Variants in DOCK4 observed in about 807,000 individuals in gnomAD.
DOCK4 encodes dedicator of cytokinesis 4.
DOCK4 carries 97 observed loss-of-function variants against 268.1 expected under a neutral mutation model. The ratio of observed to expected loss-of-function variants is 0.36; its 90% CI spans 0.31 to 0.43. The LOEUF (loss-of-function observed/expected upper bound fraction) is 0.43. DOCK4 is among the 20% of genes least tolerant of loss of function. The probability of loss-of-function intolerance (pLI) is 1.00; values close to 1 mark genes in which losing one functional copy is unlikely to be tolerated. For synonymous variants in DOCK4, 954 were observed against 887.2 expected (o/e 1.08, Z -1.34); for missense variants, 2,145 against 2,455.7 (o/e 0.87, Z 2.67).
chr7:111,868,708 CT>C (rs1806179879), intron 21 of DOCK4, among the ~76,000 whole-genome samples: 1 of 122,666 alleles, frequency 8.2e-6, no homozygotes, highest in Non-Finnish European at 1.7e-5. Context: ...AAAATTCCGT[CT>C]AAAAAAAAAA....
At chr7:112,125,818 GT>G (rs367577805) in intron 1 of DOCK4, among the ~76,000 whole-genome samples, 1 of 149,668 alleles carries the variant, frequency 6.7e-6, no homozygotes, top group Non-Finnish European at 1.5e-5. Context: ...TTTGTTTTTT[GT>G]TTTTTTTTGA....
chr7:112,018,585 A>G (rs565427695), intron 1 of DOCK4, among the ~76,000 whole-genome samples: 41 of 152,252 alleles, frequency 2.7e-4, no homozygotes, highest in Admixed American at 5.9e-4. Flanking sequence ...TTCAGAAACT[A>G]TTGATTCCAG....
Position 111,847,074 on chromosome 7 carries a change from C to T in DOCK4, c.2526G>A (p.Leu842=), listed in dbSNP as rs767715471. The stretch of plus-strand genomic sequence containing the variant: ...ACATGATCAGGTCCTTCTGTTCTTG[C>T]AAGTGAATGTGGAGGTGATGTAACA... ...PVVLHHLHIH[L]QEQKDLIMCA... Residue 842 remains leucine (L), a synonymous_variant, in exon 24 of 53, where the codon TTG becomes TTA. Coordinates refer to ENST00000428084, the MANE Select transcript of DOCK4 (RefSeq NM_001363540.2). 3 of 1,613,674 alleles carry T rather than the reference C, an allele frequency of 1.9e-6. No homozygotes were observed. The highest frequency in any genetic ancestry group is 2.5e-6 in the Non-Finnish European group (3 of 1,179,788).
intron 1 of DOCK4, among the ~76,000 whole-genome samples, chr7:112,026,626 T>C (rs1229944672): frequency 6.6e-6 from 1 of 152,166 alleles, no homozygotes; most frequent in Non-Finnish European, 1.5e-5. Flanking sequence ...CATGTAAAAA[T>C]TATATAAAAT....
intron 46 of DOCK4, 81 bp downstream of exon 46, chr7:111,741,459 G>C: frequency 6.5e-7 from 1 of 1,549,030 alleles, no homozygotes; most frequent in Non-Finnish European, 8.7e-7. Flanking sequence ...TTGACAAATT[G>C]TGCCATAAAG....
At chr7:111,868,190 G>C in intron 21 of DOCK4, 36 bp from the exon 22 acceptor site, 1 of 1,477,114 alleles carries the variant, frequency 6.8e-7, no homozygotes, top group Non-Finnish European at 9.2e-7. Flanking sequence ...AGCTTCAAAG[G>C]AGACAAAGAG....
At position 111,944,858 on chromosome 7, in the gene DOCK4, C is replaced by A. The variant is rs1463517742; in HGVS notation, c.797G>T (p.Ser266Ile). 2 of 1,613,856 alleles carry A rather than the reference C, an allele frequency of 1.2e-6. No individual in the cohort carries two copies. Among genetic ancestry groups the A allele is most frequent in the South Asian group, 1.1e-5 (1 of 91,086 alleles). The part of the protein sequence containing the change: ...HCSLFVDLGS[S>I]ELRKDIYITV... The stretch of plus-strand genomic sequence containing the variant: ...GATATAAATGTCCTTTCTTAGCTCA[C>A]TGCTGCCCAAATCCTACAAACAAAG... The change falls in exon 10 of 53, where the codon AGT becomes ATT. Residue 266 changes from serine to isoleucine, a missense_variant. Coordinates refer to ENST00000428084, the MANE Select transcript of DOCK4 (RefSeq NM_001363540.2).
At chr7:111,876,641 A>G (rs1806905515) in intron 17 of DOCK4, among the ~76,000 whole-genome samples, 1 of 152,186 alleles carries the variant, frequency 6.6e-6, no homozygotes, top group Non-Finnish European at 1.5e-5. Context: ...GCTAGAACTG[A>G]AAAGCAATAT....
chr7:112,085,261 T>G (rs1479055986), intron 1 of DOCK4, among the ~76,000 whole-genome samples: 3 of 152,084 alleles, frequency 2.0e-5, no homozygotes, highest in Non-Finnish European at 4.4e-5. Context: ...CAAATTATCT[T>G]TCATAAACCA....
intron 21 of DOCK4, among the ~76,000 whole-genome samples, chr7:111,868,694 G>C (rs1320589418): frequency 6.8e-6 from 1 of 147,800 alleles, no homozygotes; most frequent in East Asian, 2.0e-4. Flanking sequence ...TGGCCAACAA[G>C]AGCAAAATTC....
At chr7:111,785,580 G>A (rs1799109536) in intron 32 of DOCK4, among the ~76,000 whole-genome samples, 2 of 152,156 alleles carry the variant, frequency 1.3e-5, no homozygotes, top group Admixed American at 1.3e-4. Context: ...AAGACCAAAT[G>A]TTAGGACTGA....
At chr7:112,188,672 C>T (rs1051402956) in intron 1 of DOCK4, among the ~76,000 whole-genome samples, 1 of 152,200 alleles carries the variant, frequency 6.6e-6, no homozygotes. Flanking sequence ...AGCATGTCAG[C>T]TCATTAGGAA....
At chr7:112,020,688 A>G (rs1252520551) in intron 1 of DOCK4, among the ~76,000 whole-genome samples, 1 of 33,536 alleles carries the variant, frequency 3.0e-5, no homozygotes, top group African/African-American at 6.2e-5. Flanking sequence ...CTAAAAGTAA[A>G]AAAAAAAAAA....
Position 111,727,806 on chromosome 7 carries a change from TG to T in DOCK4, c.*467del, listed in dbSNP as rs2133337389. On this transcript the variant is annotated 3_prime_UTR_variant, in exon 53 of 53. Coordinates refer to ENST00000428084, the MANE Select transcript of DOCK4 (RefSeq NM_001363540.2). ...TCGCCTGCTTGAACTTTAATTCTGA[TG>T]ATCTGCACTGATAAACCTTGCCTTA... is the stretch of plus-strand genomic sequence containing the variant. 1 of 153,160 alleles carries T rather than the reference TG, an allele frequency of 6.5e-6. No homozygotes were observed. The highest frequency in any genetic ancestry group is 1.5e-5 in the Non-Finnish European group (1 of 68,702). The allele number at this position is 153,160 out of a possible 1,614,324, so 9.5% of individuals were successfully genotyped here.
intron 11 of DOCK4, among the ~76,000 whole-genome samples, chr7:111,937,520 G>A (rs1478539296): frequency 6.6e-6 from 1 of 152,160 alleles, no homozygotes; most frequent in African/African-American, 2.4e-5. Flanking sequence ...GAATGCATAG[G>A]TCTTATTCCG....
intron 11 of DOCK4, among the ~76,000 whole-genome samples, chr7:111,938,345 C>T (rs1232572361): frequency 1.3e-5 from 2 of 152,168 alleles, no homozygotes; most frequent in Non-Finnish European, 2.9e-5. Flanking sequence ...GTATATGTCC[C>T]ATAGGCAGTG....
chr7:111,756,758 A>C (rs1053051376), intron 41 of DOCK4, among the ~76,000 whole-genome samples: 33 of 134,074 alleles, frequency 2.5e-4, no homozygotes, highest in Non-Finnish European at 4.6e-4. Flanking sequence ...AAACCACAAC[A>C]AAAAAAAAAA....
intron 15 of DOCK4, among the ~76,000 whole-genome samples, chr7:111,897,805 T>C (rs1808886381): frequency 6.6e-6 from 1 of 152,202 alleles, no homozygotes; most frequent in Admixed American, 6.5e-5. Flanking sequence ...TGATTTAACA[T>C]GTCTAAAATG....
At position 111,940,350 on chromosome 7, in the gene DOCK4, A is replaced by G. The variant is rs549668948; in HGVS notation, c.845-108T>C. On this transcript the variant is annotated intron_variant, in intron 10 of 52. Coordinates refer to ENST00000428084, the MANE Select transcript of DOCK4 (RefSeq NM_001363540.2). ...TAGGCCATTGAAATGTAATTGGGCAATAAAGAGCACCCAGGTTGGGCGTAA... is the reference window on the plus strand; with the variant it reads ...TAGGCCATTGAAATGTAATTGGGCAGTAAAGAGCACCCAGGTTGGGCGTAA... 9 of 1,440,004 alleles carry G rather than the reference A, an allele frequency of 6.2e-6. No homozygotes were observed. The East Asian group carries it at 1.6e-4, about 26-fold the overall frequency. The allele number at this position is 1,440,004 out of a possible 1,614,324, so 89.2% of individuals were successfully genotyped here.
Sources: allele counts gnomAD v4.1 joint callset (sites outside exome capture counted in the v4.1 genomes callset), GRCh38; gene constraint gnomAD v4.1.1; transcripts MANE v1.5; gene names NCBI Gene and HGNC (gene_info 2026-07-23, HGNC 2026-07-21).